CARS1: variants seen among roughly 807,000 people sequenced by gnomAD.
The protein encoded by CARS1 is cysteine--tRNA ligase, cytoplasmic.
A neutral mutation model predicts 106.2 loss-of-function variants in CARS1; 48 were observed. The ratio of observed to expected loss-of-function variants is 0.45; its 90% CI spans 0.36 to 0.57. The LOEUF (loss-of-function observed/expected upper bound fraction) is 0.57, where lower values mean the gene tolerates loss of function less well. Ranked by LOEUF, CARS1 falls within the 20% of genes least tolerant of loss-of-function variation. The pLI, the probability that CARS1 is intolerant of heterozygous loss-of-function variation, is 0.00. For synonymous variants in CARS1, 409 were observed against 403.4 expected (o/e 1.01, Z -0.17); for missense variants, 968 against 1,057.2 (o/e 0.92, Z 1.17).
Position 3,041,084 on chromosome 11 carries a change from A to G in CARS1, c.367-100T>C. 17 of 1,588,228 alleles carry G rather than the reference A, an allele frequency of 1.1e-5. No individual in the cohort carries two copies. The highest frequency in any genetic ancestry group is 1.5e-5 in the Non-Finnish European group (17 of 1,162,920). On this transcript the variant is annotated intron_variant, in intron 3 of 22. Transcript: ENST00000380525. The surrounding 1 kb of genome is among the most constrained non-coding windows in gnomAD (Gnocchi z 4.9). ...AAACATCACAGTGTGGTTTGTGTTTAGTGTAAACAATTCAACAGAGACCAT... is the reference window on the plus strand; with the variant it reads ...AAACATCACAGTGTGGTTTGTGTTTGGTGTAAACAATTCAACAGAGACCAT...
Position 3,040,450 on chromosome 11 carries a change from C to T in CARS1, c.455+446G>A. Reference sequence around the variant, plus strand: ...TAAAAGGACTCTGTGGCATTTACCCCAACAGCCAGCTACTCGTCAGGAGCT... The same window carrying T: ...TAAAAGGACTCTGTGGCATTTACCCTAACAGCCAGCTACTCGTCAGGAGCT... On this transcript the variant is annotated intron_variant, in intron 4 of 22. Transcript: ENST00000380525. The surrounding 1 kb of genome is among the most constrained non-coding windows in gnomAD (Gnocchi z 5.8). 1 of 451,518 alleles carries T rather than the reference C, an allele frequency of 2.2e-6. No homozygotes were observed. The allele number at this position is 451,518 out of a possible 1,614,324, so 28.0% of individuals were successfully genotyped here.
chr11:3,031,611 C>G (rs971676570), intron 7 of CARS1: 6 of 152,254 alleles, frequency 3.9e-5, no homozygotes, highest in Non-Finnish European at 8.8e-5. Flanking sequence ...ACCAACTCTT[C>G]TTAGATCCAT....
chr11:3,012,274 G>T lies in CARS1; in HGVS notation c.1989C>A (p.Leu663=). Residue 663 remains leucine, a splice_region_variant and synonymous_variant, in exon 18 of 23, where the codon CTC becomes CTA. Transcript: ENST00000380525. ...PVGGPGTSLS[L]EATVMPYLQV... ...GAAGGTAGGGCATGACTGTGGCCTC[G>T]AGCTGCGGAAAGAACAGTTTTGGTT... 2.5e-6 allele frequency: 4 copies of T among 1,614,038 alleles called. No homozygotes were observed. The South Asian group carries it at 3.3e-5, about 13-fold the overall frequency.
intron 7 of CARS1, among the ~76,000 whole-genome samples, chr11:3,032,060 C>CTCCCTCCCTCCCTCCTTCCT (rs1565075168): frequency 5.0e-5 from 1 of 20,046 alleles, no homozygotes; most frequent in Non-Finnish European, 8.5e-5. Flanking sequence ...CCCTCCCTCC[C>CTCCCTCCCTCCCTCCTTCCT]TCCTTCCTTC....
chr11:3,018,337 C>A, intron 14 of CARS1, 71 bp downstream of exon 14: 1 of 995,856 alleles, frequency 1.0e-6, no homozygotes, highest in Non-Finnish European at 1.6e-6. Context: ...GCACCTATCA[C>A]CACTGCACAA....
chr11:3,016,178 C>T (rs1050887272), intron 16 of CARS1, among the ~76,000 whole-genome samples: 1 of 151,414 alleles, frequency 6.6e-6, no homozygotes, highest in African/African-American at 2.4e-5. Flanking sequence ...GGGCTCTGCA[C>T]AGGATGTGTT....
At position 3,047,840 on chromosome 11, in the gene CARS1, G is replaced by C. The variant is rs1855262907; in HGVS notation, c.187C>G (p.Leu63Val). 1 of 1,614,202 alleles carries C rather than the reference G, an allele frequency of 6.2e-7. No homozygotes were observed. Among genetic ancestry groups the C allele is most frequent in the African/African-American group, 1.3e-5 (1 of 75,050 alleles). Residue 63 changes from leucine to valine, a missense_variant, in exon 2 of 23, where the codon CTC (leucine) becomes GTC (valine). Coordinates refer to ENST00000380525, the MANE Select transcript of CARS1 (RefSeq NM_001014437.3). ...QLSAPPADPQ[L>V]FHVARWFRHI... is the part of the protein sequence containing the mutation. Reference sequence around the variant, plus strand: ...CTGAACCACCGAGCCACGTGGAAGAGCTGGGGGTCAGCGGGCGGGGCCGAG... The same window carrying C: ...CTGAACCACCGAGCCACGTGGAAGACCTGGGGGTCAGCGGGCGGGGCCGAG...
chr11:3,002,680 C>CA, intron 20 of CARS1, 80 bp from the exon 21 acceptor site: 4 of 1,594,616 alleles, frequency 2.5e-6, no homozygotes, highest in Non-Finnish European at 2.6e-6. Flanking sequence ...TCTAGCCAAA[C>CA]AAGCCCCTCT....
rs372301669 is a variant in CARS1 at position 3,018,075 on chromosome 11, C to T, written c.1630-121G>A. 7.5e-6 allele frequency: 5 copies of T among 666,882 alleles called. No individual in the cohort carries two copies. The South Asian group carries it at 9.0e-5, about 12-fold the overall frequency. 41.3% of individuals were successfully genotyped at this position (666,882 alleles called of 1,614,324 possible). A position where few individuals can be genotyped will look rare whatever the true frequency, so the allele number is the denominator to read the frequency against. On this transcript the variant is annotated intron_variant, in intron 14 of 22. Coordinates refer to ENST00000380525, the MANE Select transcript of CARS1 (RefSeq NM_001014437.3). The stretch of plus-strand genomic sequence containing the variant: ...AAAAATCTGAAAGACCAGAATTACA[C>T]AAGTGGTCAGAAAGAAAGGAAAAGA...
In CARS1 at chr11:3,018,518, G is replaced by A. The variant is rs1851264284; in HGVS notation, c.1526-7C>T. On this transcript the variant is annotated splice_region_variant and splice_polypyrimidine_tract_variant and intron_variant, in intron 13 of 22. Coordinates refer to ENST00000380525, the MANE Select transcript of CARS1 (RefSeq NM_001014437.3). ...GCCAGCCGCAACTGCCGTGCTGTGG[G>A]GGGACACAAGACAGCCAACGCCCTT... 2 of 1,613,410 alleles carry A rather than the reference G, an allele frequency of 1.2e-6. No homozygotes were observed. The highest frequency in any genetic ancestry group is 1.7e-6 in the Non-Finnish European group (2 of 1,179,324).
chr11:3,026,237 C>A (rs1308106960), intron 10 of CARS1, among the ~76,000 whole-genome samples: 1 of 152,136 alleles, frequency 6.6e-6, no homozygotes, highest in Non-Finnish European at 1.5e-5. Context: ...GGTTTCTAGG[C>A]ACAAACACAC....
intron 7 of CARS1, among the ~76,000 whole-genome samples, chr11:3,033,709 A>G (rs1326672136): frequency 6.6e-6 from 1 of 152,236 alleles, no homozygotes; most frequent in Non-Finnish European, 1.5e-5. Flanking sequence ...AGAATGGACA[A>G]AAACTGATAA....
chr11:3,025,918 A>G (rs1227645752), intron 10 of CARS1, among the ~76,000 whole-genome samples: 1 of 152,230 alleles, frequency 6.6e-6, no homozygotes, highest in Non-Finnish European at 1.5e-5. Context: ...CAGCCAGCAA[A>G]CACCAGCCCT....
intron 14 of CARS1, 182 bp downstream of exon 14, chr11:3,018,226 C>T (rs1203574018): frequency 1.5e-5 from 9 of 613,546 alleles, no homozygotes; most frequent in Admixed American, 1.5e-4. Context: ...TCTGCTGAGC[C>T]GTCAGCCATT....
intron 12 of CARS1, 133 bp from the exon 13 acceptor site, chr11:3,018,882 C>T: frequency 7.9e-7 from 1 of 1,264,634 alleles, no homozygotes. Flanking sequence ...GCAGGCAGGG[C>T]TTGGAAGGAC....
chr11:3,032,080 T>C (rs1186422438), intron 7 of CARS1, among the ~76,000 whole-genome samples: 3 of 115,870 alleles, frequency 2.6e-5, no homozygotes, highest in African/African-American at 7.1e-5. Context: ...CCTTCCTTCC[T>C]TCCTTCCTTC....
rs1853252320 is a variant in CARS1 at position 3,034,129 on chromosome 11, CAT to C, written c.801+3919_801+3920del. ...AGAACAGAATTAAGAGACACAAACACATGCCAACATGTAACAGAGATGAATTC... is the reference window on the plus strand; with the variant it reads ...AGAACAGAATTAAGAGACACAAACACGCCAACATGTAACAGAGATGAATTC... On this transcript the variant is annotated intron_variant, in intron 7 of 22. Transcript: ENST00000380525. This position sits in a 1 kb window ranked among gnomAD's most constrained non-coding sequence, Gnocchi z 6.3. Among the ~76,000 whole-genome samples the C allele has an allele frequency of 2.6e-5, 4 of 152,170 alleles. No individual in the cohort carries two copies.
At chr11:3,016,437 A>C (rs1057457037) in intron 16 of CARS1, among the ~76,000 whole-genome samples, 1 of 151,412 alleles carries the variant, frequency 6.6e-6, no homozygotes, top group East Asian at 2.0e-4. Context: ...GTTAGTCAGG[A>C]TGGTCTCCAT....
rs759989367 is a variant in CARS1 at position 3,020,286 on chromosome 11, G to A, written c.1200C>T (p.Pro400=). The A allele has an allele frequency of 8.1e-6, 13 of 1,614,072 alleles. No homozygotes were observed. The East Asian group carries it at 2.9e-4, about 36-fold the overall frequency. ...AGGCCTTCCATAAGGCAAAGTCGTTGGGAGAGCGCTTCTCACTCAGGCGGT... is the reference window on the plus strand; with the variant it reads ...AGGCCTTCCATAAGGCAAAGTCGTTAGGAGAGCGCTTCTCACTCAGGCGGT... ...SADRLSEKRS[P]NDFALWKASK... Residue 400 remains proline (P), a synonymous_variant, in exon 11 of 23, where the codon CCC becomes CCT. Coordinates refer to ENST00000380525, the MANE Select transcript of CARS1 (RefSeq NM_001014437.3). This position sits in a 1 kb window ranked among gnomAD's most constrained non-coding sequence, Gnocchi z 4.6.
Sources: gnomAD v4.1 joint callset for allele counts (sites outside exome capture counted in the v4.1 genomes callset) on GRCh38, gnomAD v4.1.1 for gene constraint, Gnocchi (gnomAD v3.1) non-coding constraint, MANE v1.5 for transcripts, NCBI Gene and HGNC (gene_info 2026-07-23, HGNC 2026-07-21) for gene names.